The following JAGN1 variants were observed in gnomAD, a reference collection of about 807,000 sequenced individuals.
JAGN1 encodes protein jagunal homolog 1.
JAGN1 carries 13 observed loss-of-function variants against 17.1 expected under a neutral mutation model. The ratio of observed to expected loss-of-function variants is 0.76; its 90% CI spans 0.49 to 1.21. The LOEUF (loss-of-function observed/expected upper bound fraction) is 1.21. JAGN1 is among the 50% of genes most tolerant of loss of function. JAGN1 has a pLI of 0.00. For synonymous variants in JAGN1, 111 were observed against 91.0 expected (o/e 1.22, Z -1.25); for missense variants, 256 against 234.2 (o/e 1.09, Z -0.61).
intron 1 of JAGN1, among the ~76,000 whole-genome samples, chr3:9,892,015 A>T (rs190299176): frequency 2.0e-4 from 31 of 151,670 alleles, no homozygotes; most frequent in Admixed American, 3.9e-4. Context: ...TATTATTATT[A>T]ATTTATTTAT....
At chr3:9,892,846 A>G in intron 1 of JAGN1, 69 bp from the exon 2 acceptor site, 2 of 980,554 alleles carry the variant, frequency 2.0e-6, no homozygotes. Flanking sequence ...TGTCCAGTAC[A>G]GTTGTCTGGC....
At chr3:9,890,832 C>G in intron 1 of JAGN1, 21 bp downstream of exon 1, 1 of 1,569,706 alleles carries the variant, frequency 6.4e-7, no homozygotes, top group South Asian at 1.2e-5. Context: ...AGGCGAGGAG[C>G]ACGGAGGCTT....
In JAGN1 at chr3:9,893,679, T is replaced by C. The variant is rs2082578378; in HGVS notation, c.*302T>C. The C allele has an allele frequency of 5.5e-6, 2 of 361,566 alleles. No homozygotes were observed. Among genetic ancestry groups the C allele is most frequent in the Non-Finnish European group, 1.0e-5 (2 of 198,358 alleles). The allele number at this position is 361,566 out of a possible 1,614,324, so 22.4% of individuals were successfully genotyped here. A position where few individuals can be genotyped will look rare whatever the true frequency, so the allele number is the denominator to read the frequency against. ...CCTCTACTCGGTCATTCTCCCCATT[T>C]CCATCCATTACCCCTTAGCCATTGA... On this transcript the variant is annotated 3_prime_UTR_variant, in exon 2 of 2. Transcript: ENST00000647897.
chr3:9,894,161 G>T lies in JAGN1; in HGVS notation c.*784G>T, dbSNP rs886101763. The T allele has an allele frequency of 4.6e-5, 7 of 152,188 alleles. No homozygotes were observed. Among genetic ancestry groups the T allele is most frequent in the African/African-American group, 1.7e-4 (7 of 41,450 alleles). 9.4% of individuals were successfully genotyped at this position (152,188 alleles called of 1,614,324 possible). A position where few individuals can be genotyped will look rare whatever the true frequency, so the allele number is the denominator to read the frequency against. ...TCAGTGTTAACTGGGTATCAGTTAT[G>T]AGTCTACTACTGTATAATGGCATCC... On this transcript the variant is annotated 3_prime_UTR_variant, in exon 2 of 2. Coordinates refer to ENST00000647897, the MANE Select transcript of JAGN1 (RefSeq NM_032492.4).
chr3:9,890,969 C>T (rs554735337), intron 1 of JAGN1, among the ~76,000 whole-genome samples, 158 bp downstream of exon 1: 42 of 152,300 alleles, frequency 2.8e-4, no homozygotes, highest in South Asian at 1.0e-3. Context: ...GCCTGTCCCC[C>T]ATCCTGGAAA....
chr3:9,893,525 C>T lies in JAGN1; in HGVS notation c.*148C>T. The T allele has an allele frequency of 3.1e-6, 2 of 647,330 alleles. No individual in the cohort carries two copies. Among genetic ancestry groups the T allele is most frequent in the South Asian group, 2.2e-5 (1 of 46,480 alleles). The allele number at this position is 647,330 out of a possible 1,614,324, so 40.1% of individuals were successfully genotyped here. On this transcript the variant is annotated 3_prime_UTR_variant, in exon 2 of 2. Coordinates refer to ENST00000647897, the MANE Select transcript of JAGN1 (RefSeq NM_032492.4). ...AGTTCTGGAAAGCTCCTTTTGCCATCTGCTGAGGTGGCAAAACTATAATTT... is the reference window on the plus strand; with the variant it reads ...AGTTCTGGAAAGCTCCTTTTGCCATTTGCTGAGGTGGCAAAACTATAATTT...
rs749407510 is a variant in JAGN1, at chr3:9,893,138, A to G, written c.313A>G (p.Ile105Val). The change falls in exon 2 of 2, where the codon ATC becomes GTC. Residue 105 changes from isoleucine to valine, a missense_variant. Ile to Val is a conservative substitution (Grantham distance 29, BLOSUM62 3). Transcript: ENST00000647897. ...NNISYLVLSMISMGLFSIAPL... is the reference protein window; with the variant it reads ...NNISYLVLSMVSMGLFSIAPL... The stretch of plus-strand genomic sequence containing the variant: ...CATTAGCTACCTGGTGCTCTCCATG[A>G]TCAGCATGGGACTCTTTTCCATCGC... The G allele has an allele frequency of 2.7e-5, 44 of 1,613,990 alleles. No homozygotes were observed. The highest frequency in any genetic ancestry group is 3.7e-5 in the Non-Finnish European group (44 of 1,180,020).
At position 9,893,933 on chromosome 3, in the gene JAGN1, G is replaced by A. The variant is rs538289376; in HGVS notation, c.*556G>A. On this transcript the variant is annotated 3_prime_UTR_variant, in exon 2 of 2. Transcript: ENST00000647897. Reference sequence around the variant, plus strand: ...TGGCCTTAGACACTAGGAGATGATGGGTAGAAGCTCCTTGAGAAACCTAGC... The same window carrying A: ...TGGCCTTAGACACTAGGAGATGATGAGTAGAAGCTCCTTGAGAAACCTAGC... 2 of 155,300 alleles carry A rather than the reference G, an allele frequency of 1.3e-5. No homozygotes were observed. The highest frequency in any genetic ancestry group is 4.8e-5 in the African/African-American group (2 of 41,550). The allele number at this position is 155,300 out of a possible 1,614,324, so 9.6% of individuals were successfully genotyped here.
chr3:9,890,766 G>A lies in JAGN1; in HGVS notation c.44G>A (p.Ser15Asn), dbSNP rs1480176197. ...CCGCGAGCGGCCGGCACCGACGGCA[G>A]CGACTTTCAGCACCGGGAGCGCGTC... ...AGPRAAGTDG[S>N]DFQHRERVAM... Residue 15 changes from serine to asparagine, a missense_variant, in exon 1 of 2, where the codon AGC becomes AAC. Ser to Asn is a conservative substitution (Grantham distance 46). Transcript: ENST00000647897. 3.7e-6 allele frequency: 6 copies of A among 1,610,414 alleles called. No individual in the cohort carries two copies. In the Admixed American group the frequency reaches 5.0e-5, roughly 14 times the overall value.
At chr3:9,892,446 A>C (rs1296799063) in intron 1 of JAGN1, among the ~76,000 whole-genome samples, 4 of 94,820 alleles carry the variant, frequency 4.2e-5, no homozygotes, top group African/African-American at 1.6e-4. Flanking sequence ...AAGTGCTTGG[A>C]TTAGAGTTGT....
rs564676042 is a variant in JAGN1 at position 9,894,059 on chromosome 3, T to A, written c.*682T>A. 1.3e-5 allele frequency: 2 copies of A among 152,288 alleles called. No individual in the cohort carries two copies. Among genetic ancestry groups the A allele is most frequent in the Non-Finnish European group, 2.9e-5 (2 of 68,128 alleles). 9.4% of individuals were successfully genotyped at this position (152,288 alleles called of 1,614,324 possible). A position where few individuals can be genotyped will look rare whatever the true frequency, so the allele number is the denominator to read the frequency against. On this transcript the variant is annotated 3_prime_UTR_variant, in exon 2 of 2. Transcript: ENST00000647897. Reference sequence around the variant, plus strand: ...ATGGGCCAGACATTTAATCTCTCCATCTATGAAATAGTCCATTCTCATTTA... The same window carrying A: ...ATGGGCCAGACATTTAATCTCTCCAACTATGAAATAGTCCATTCTCATTTA...
intron 1 of JAGN1, among the ~76,000 whole-genome samples, chr3:9,892,404 G>A (rs954554848): frequency 6.6e-6 from 1 of 151,424 alleles, no homozygotes; most frequent in South Asian, 2.1e-4. Context: ...CGAACTCCTG[G>A]GCTCAAGCAG....
Position 9,893,158 on chromosome 3 carries a change from C to T in JAGN1, c.333C>T (p.Ser111=). Residue 111 remains serine (S), a synonymous_variant, in exon 2 of 2, where the codon TCC becomes TCT. Transcript: ENST00000647897. Reference sequence around the variant, plus strand: ...CCATGATCAGCATGGGACTCTTTTCCATCGCTCCACTCATTTATGGCAGCA... The same window carrying T: ...CCATGATCAGCATGGGACTCTTTTCTATCGCTCCACTCATTTATGGCAGCA... ...VLSMISMGLF[S]IAPLIYGSME... is the part of the protein sequence containing the mutation. 2 of 1,614,196 alleles carry T rather than the reference C, an allele frequency of 1.2e-6. No homozygotes were observed. The highest frequency in any genetic ancestry group is 1.7e-6 in the Non-Finnish European group (2 of 1,180,036).
At position 9,890,761 on chromosome 3, in the gene JAGN1, C is replaced by T. The variant is rs751452713; in HGVS notation, c.39C>T (p.Asp13=). 13 of 1,610,132 alleles carry T rather than the reference C, an allele frequency of 8.1e-6. No homozygotes were observed. Among genetic ancestry groups the T allele is most frequent in the South Asian group, 2.2e-5 (2 of 90,236 alleles). Residue 13 remains aspartate (D), a synonymous_variant, in exon 1 of 2, where the codon GAC becomes GAT. Transcript: ENST00000647897. ...CAGGCCCGCGAGCGGCCGGCACCGA[C>T]GGCAGCGACTTTCAGCACCGGGAGC... ...SRAGPRAAGT[D]GSDFQHRERV... is the part of the protein sequence containing the mutation.
At chr3:9,892,341 G>A (rs200370866) in intron 1 of JAGN1, among the ~76,000 whole-genome samples, 1 of 145,722 alleles carries the variant, frequency 6.9e-6, no homozygotes, top group African/African-American at 2.5e-5. Context: ...TAGTATTGTT[G>A]TTGTTTTTTT....
At position 9,893,967 on chromosome 3, in the gene JAGN1, T is replaced by G. The variant is rs2082580252; in HGVS notation, c.*590T>G. ...TCCTTGAGAAACCTAGCAGTGGCCA[T>G]AGAGAAGTAGACTGGGTATGGGGAA... On this transcript the variant is annotated 3_prime_UTR_variant, in exon 2 of 2. Coordinates refer to ENST00000647897, the MANE Select transcript of JAGN1 (RefSeq NM_032492.4). 6.5e-6 allele frequency: 1 copy of G among 154,392 alleles called. No individual in the cohort carries two copies. Among genetic ancestry groups the G allele is most frequent in the South Asian group, 2.0e-4 (1 of 5,004 alleles). The allele number at this position is 154,392 out of a possible 1,614,324, so 9.6% of individuals were successfully genotyped here.
rs1384568293 is a variant in JAGN1 at position 9,893,422 on chromosome 3, C to T, written c.*45C>T. ...CTGGACATCCCATCGAATGAAAGGA[C>T]ACTAGTACAGCGGTTCCAAAATCCC... On this transcript the variant is annotated 3_prime_UTR_variant, in exon 2 of 2. Coordinates refer to ENST00000647897, the MANE Select transcript of JAGN1 (RefSeq NM_032492.4). 2.8e-6 allele frequency: 4 copies of T among 1,443,952 alleles called. No individual in the cohort carries two copies. Among genetic ancestry groups the T allele is most frequent in the Non-Finnish European group, 3.8e-6 (4 of 1,065,724 alleles). 89.4% of individuals were successfully genotyped at this position (1,443,952 alleles called of 1,614,324 possible). A position where few individuals can be genotyped will look rare whatever the true frequency, so the allele number is the denominator to read the frequency against.
chr3:9,891,207 TAAAG>T (rs1418019113), intron 1 of JAGN1, among the ~76,000 whole-genome samples: 1 of 152,240 alleles, frequency 6.6e-6, no homozygotes, highest in Non-Finnish European at 1.5e-5. Flanking sequence ...GTAATTCGTG[TAAAG>T]AAAGTAGCAT....
rs898812826 is a variant in JAGN1 at position 9,893,586 on chromosome 3, A to G, written c.*209A>G. On this transcript the variant is annotated 3_prime_UTR_variant, in exon 2 of 2. Coordinates refer to ENST00000647897, the MANE Select transcript of JAGN1 (RefSeq NM_032492.4). ...GGCTAGAACTGGGTGACCAACAGCT[A>G]TGAAACAAATTTCAGCTGTTTGAAG... The G allele has an allele frequency of 1.5e-5, 8 of 545,738 alleles. No homozygotes were observed. Among genetic ancestry groups the G allele is most frequent in the African/African-American group, 3.8e-5 (2 of 53,068 alleles). 33.8% of individuals were successfully genotyped at this position (545,738 alleles called of 1,614,324 possible).
Sources: gnomAD v4.1 joint callset for allele counts (sites outside exome capture counted in the v4.1 genomes callset) on GRCh38, gnomAD v4.1.1 for gene constraint, MANE v1.5 for transcripts, NCBI Gene and HGNC (gene_info 2026-07-23, HGNC 2026-07-21) for gene names.